Variants in MEN1 observed in about 807,000 individuals in gnomAD.
MEN1 encodes menin.
Under a neutral mutation model 58.0 loss-of-function variants are expected in MEN1, and 6 were observed. That is an observed-to-expected ratio of 0.10 (90% CI 0.06 to 0.20). The LOEUF (loss-of-function observed/expected upper bound fraction) is 0.20, where lower values mean the gene tolerates loss of function less well. Ranked by LOEUF, MEN1 falls within the 10% of genes least tolerant of loss-of-function variation. The pLI is 1.00. For synonymous variants in MEN1, 346 were observed against 350.7 expected (o/e 0.99, Z 0.15); for missense variants, 492 against 818.5 (o/e 0.60, Z 4.87).
rs772016629 is a variant in MEN1, at chr11:64,807,684, A to AG, written c.655-5dup. The AG allele has an allele frequency of 6.9e-5, 112 of 1,613,724 alleles. No homozygotes were observed. In the East Asian group the frequency reaches 1.0e-3, roughly 14 times the overall value. On this transcript the variant is annotated splice_region_variant and splice_polypyrimidine_tract_variant and intron_variant, in intron 3 of 9. Coordinates refer to ENST00000450708, the MANE Select transcript of MEN1 (RefSeq NM_001370259.2). This position sits in a 1 kb window ranked among gnomAD's most constrained non-coding sequence, Gnocchi z 4.9. ...ATCCTTTCAGGTACAGCCAGCTCTT[A>AG]GGGGGGGATGAGATCATTATGTCTC...
chr11:64,808,473 C>A (rs1941897639), intron 2 of MEN1, among the ~76,000 whole-genome samples: 2 of 152,212 alleles, frequency 1.3e-5, no homozygotes. Flanking sequence ...TGGCTATACA[C>A]CCACCAACAA....
In MEN1 at chr11:64,804,957, G is replaced by A; in HGVS notation, c.1350+77C>T. 6.2e-7 allele frequency: 1 copy of A among 1,600,916 alleles called. No homozygotes were observed. The highest frequency in any genetic ancestry group is 8.5e-7 in the Non-Finnish European group (1 of 1,178,204). On this transcript the variant is annotated intron_variant, in intron 9 of 9. Coordinates refer to ENST00000450708, the MANE Select transcript of MEN1 (RefSeq NM_001370259.2). The surrounding 1 kb of genome is among the most constrained non-coding windows in gnomAD (Gnocchi z 4.2). ...AAGGGGATGGGCAGATGCTGCCCCT[G>A]GGCCAGAAAAGTCTGACAAGCCCGT...
rs1941800854 is a variant in MEN1, at chr11:64,807,296, G to C, written c.784-77C>G. ...TCCTTAGCCTATCGGGCAGAGGTGG[G>C]GGTCAGAACCAACAGGGACCACCCA... On this transcript the variant is annotated intron_variant, in intron 4 of 9. Transcript: ENST00000450708. The surrounding 1 kb of genome is among the most constrained non-coding windows in gnomAD (Gnocchi z 4.9). The C allele has an allele frequency of 1.4e-5, 22 of 1,522,100 alleles. No homozygotes were observed. The highest frequency in any genetic ancestry group is 1.8e-5 in the Non-Finnish European group (20 of 1,118,888). The allele number at this position is 1,522,100 out of a possible 1,614,324, so 94.3% of individuals were successfully genotyped here. A position where few individuals can be genotyped will look rare whatever the true frequency, so the allele number is the denominator to read the frequency against.
chr11:64,811,148 A>G (rs7949944), upstream of MEN1: 13,837 of 151,188 alleles, frequency 0.092, 1,601 homozygotes, highest in East Asian at 0.31. Flanking sequence ...CCAGGCTGGA[A>G]TGCAGTGGCT....
At chr11:64,805,470 A>G (rs1051398121) in intron 8 of MEN1, among the ~76,000 whole-genome samples, 165 bp downstream of exon 8, 2 of 152,136 alleles carry the variant, frequency 1.3e-5, no homozygotes, top group Non-Finnish European at 2.9e-5. Flanking sequence ...GTCCCGTCCA[A>G]CGTGGGCCCA....
rs2136083624 is a variant in MEN1 at position 64,804,571 on chromosome 11, G to A, written c.1596C>T (p.Gly532=). ...VAGTARGPEG[G]STAQVPAPTA... is the part of the protein sequence containing the mutation. ...TGGGTGCTGGCACCTGAGCCGTGCT[G>A]CCACCTTCAGGGCCTCGGGCTGTGC... The change falls in exon 10 of 10, where the codon GGC becomes GGT. Residue 532 remains glycine, a synonymous_variant. Transcript: ENST00000450708. The surrounding 1 kb of genome is among the most constrained non-coding windows in gnomAD (Gnocchi z 4.2). 6.2e-7 allele frequency: 1 copy of A among 1,613,036 alleles called. No homozygotes were observed. The highest frequency in any genetic ancestry group is 8.5e-7 in the Non-Finnish European group (1 of 1,179,948).
chr11:64,805,502 G>C, intron 8 of MEN1, 133 bp downstream of exon 8: 1 of 1,171,722 alleles, frequency 8.5e-7, no homozygotes. Flanking sequence ...ATAGCAAAAG[G>C]GAACATAGCT....
At chr11:64,810,384 G>A (rs548236639) in intron 1 of MEN1, 130 bp downstream of exon 1, 4 of 518,686 alleles carry the variant, frequency 7.7e-6, no homozygotes, top group East Asian at 6.6e-5. Flanking sequence ...CCCCAATGAG[G>A]AGCCCCAATG....
In MEN1 at chr11:64,807,303, A is replaced by T. The variant is rs1040272282; in HGVS notation, c.784-84T>A. ...CCTATCGGGCAGAGGTGGGGGTCAGAACCAACAGGGACCACCCACCATGTG... is the reference window on the plus strand; with the variant it reads ...CCTATCGGGCAGAGGTGGGGGTCAGTACCAACAGGGACCACCCACCATGTG... On this transcript the variant is annotated intron_variant, in intron 4 of 9. Transcript: ENST00000450708. This position sits in a 1 kb window ranked among gnomAD's most constrained non-coding sequence, Gnocchi z 4.9. 4.7e-6 allele frequency: 7 copies of T among 1,484,238 alleles called. No homozygotes were observed. The highest frequency in any genetic ancestry group is 6.4e-6 in the Non-Finnish European group (7 of 1,086,942). The allele number at this position is 1,484,238 out of a possible 1,614,324, so 91.9% of individuals were successfully genotyped here.
Position 64,803,555 on chromosome 11 carries a change from A to C in MEN1, c.*779T>G. 4.3e-6 allele frequency: 1 copy of C among 232,700 alleles called. No homozygotes were observed. The highest frequency in any genetic ancestry group is 8.5e-6 in the Non-Finnish European group (1 of 117,502). The allele number at this position is 232,700 out of a possible 1,614,324, so 14.4% of individuals were successfully genotyped here. A position where few individuals can be genotyped will look rare whatever the true frequency, so the allele number is the denominator to read the frequency against. On this transcript the variant is annotated 3_prime_UTR_variant, in exon 10 of 10. Coordinates refer to ENST00000450708, the MANE Select transcript of MEN1 (RefSeq NM_001370259.2). Reference sequence around the variant, plus strand: ...ATGTATTCATCTTTCTTGGAACTGAAAAATAAATCTATGTACAAAACAGGA... The same window carrying C: ...ATGTATTCATCTTTCTTGGAACTGACAAATAAATCTATGTACAAAACAGGA...
In MEN1 at chr11:64,807,805, G is replaced by A. The variant is rs1941839868; in HGVS notation, c.654+86C>T. 1 of 1,604,926 alleles carries A rather than the reference G, an allele frequency of 6.2e-7. No homozygotes were observed. The highest frequency in any genetic ancestry group is 1.7e-5 in the Admixed American group (1 of 59,524). On this transcript the variant is annotated intron_variant, in intron 3 of 9. Coordinates refer to ENST00000450708, the MANE Select transcript of MEN1 (RefSeq NM_001370259.2). This position sits in a 1 kb window ranked among gnomAD's most constrained non-coding sequence, Gnocchi z 4.9. ...TATGTGGGTGGTGATGGGAAGAAAG[G>A]GGTGTGGCCCAAGAAAATGGAGTCC...
Position 64,807,410 on chromosome 11 carries a change from G to C in MEN1, c.783+142C>G, listed in dbSNP as rs111627161. On this transcript the variant is annotated intron_variant, in intron 4 of 9. Coordinates refer to ENST00000450708, the MANE Select transcript of MEN1 (RefSeq NM_001370259.2). This position sits in a 1 kb window ranked among gnomAD's most constrained non-coding sequence, Gnocchi z 4.9. ...CAATTCTACTCTCCCAAGAGCCCTGGGAAAGGCCAGGCCAGGAATTACTAA... is the reference window on the plus strand; with the variant it reads ...CAATTCTACTCTCCCAAGAGCCCTGCGAAAGGCCAGGCCAGGAATTACTAA... 3.0e-3 allele frequency: 3,296 copies of C among 1,081,350 alleles called. 12 individuals carry two copies. Among genetic ancestry groups the C allele is most frequent in the Non-Finnish European group, 3.9e-3 (2,806 of 727,990 alleles). 67.0% of individuals were successfully genotyped at this position (1,081,350 alleles called of 1,614,324 possible). A position where few individuals can be genotyped will look rare whatever the true frequency, so the allele number is the denominator to read the frequency against.
chr11:64,806,487 C>T, intron 6 of MEN1, 119 bp from the exon 7 acceptor site: 1 of 1,153,858 alleles, frequency 8.7e-7, no homozygotes, highest in Non-Finnish European at 1.3e-6. Flanking sequence ...GAGTCCTCTC[C>T]ATCTCCACTC....
intron 1 of MEN1, 176 bp downstream of exon 1, chr11:64,810,338 G>T (rs1942048172): frequency 3.4e-6 from 2 of 579,760 alleles, no homozygotes; most frequent in Non-Finnish European, 3.1e-6. Context: ...CCACAATTCC[G>T]GGACGCCCGG....
Position 64,810,126 on chromosome 11 carries a change from C to G in MEN1, c.-17G>C, listed in dbSNP as rs1314358515. The G allele has an allele frequency of 6.4e-5, 45 of 705,538 alleles. No individual in the cohort carries two copies. The highest frequency in any genetic ancestry group is 2.3e-4 in the South Asian group (11 of 47,428). The allele number at this position is 705,538 out of a possible 1,614,324, so 43.7% of individuals were successfully genotyped here. A position where few individuals can be genotyped will look rare whatever the true frequency, so the allele number is the denominator to read the frequency against. ...CAGCCCCATGGCGGCGGGCGGTGGG[C>G]GGCGGCCTGCAAGGCAAGCCGGGGG... On this transcript the variant is annotated 5_prime_UTR_variant, in exon 2 of 10. Coordinates refer to ENST00000450708, the MANE Select transcript of MEN1 (RefSeq NM_001370259.2).
In MEN1 at chr11:64,809,913, C is replaced by A. The variant is rs867960556; in HGVS notation, c.197G>T (p.Ser66Ile). 2 of 1,587,638 alleles carry A rather than the reference C, an allele frequency of 1.3e-6. No individual in the cohort carries two copies. Among genetic ancestry groups the A allele is most frequent in the South Asian group, 1.1e-5 (1 of 88,624 alleles). ...GCCGCCAGGCGGGTCGGGGGCGGGG[C>A]TGGGCTGGAAGGTGAGCTCGGGAAC... ...TNVPELTFQP[S>I]PAPDPPGGLT... Residue 66 changes from serine (S) to isoleucine (I), a missense_variant, in exon 2 of 10, where the codon AGC becomes ATC. Physicochemically the swap from Ser to Ile is moderately radical, Grantham distance 142. Around this residue, in one of 5 missense-constraint regions of MEN1, gnomAD observed 335 missense variants for 550.3 expected, o/e 0.61. Transcript: ENST00000450708.
intron 1 of MEN1, 166 bp from the exon 2 acceptor site, chr11:64,810,298 T>A: frequency 1.7e-6 from 1 of 605,742 alleles, no homozygotes; most frequent in South Asian, 2.0e-5. Context: ...GTGAGACCCC[T>A]CAGCCGAGAC....
At position 64,804,367 on chromosome 11, in the gene MEN1, CAG is replaced by C. The variant is rs1555163017; in HGVS notation, c.1798_1799del (p.Leu600ValfsTer78). 6.2e-7 allele frequency: 1 copy of C among 1,614,210 alleles called. No individual in the cohort carries two copies. Among genetic ancestry groups the C allele is most frequent in the Non-Finnish European group, 8.5e-7 (1 of 1,180,026 alleles). ...CTTTGCGCTGCCGCTTGAGGAAAGA[CAG>C]AGTGTAGTCACTAGGGGTGGACACT... ...QKVSTPSDYT[L>X]SFLKRQRKGL On this transcript the variant is annotated frameshift_variant, in exon 10 of 10. Coordinates refer to ENST00000450708, the MANE Select transcript of MEN1 (RefSeq NM_001370259.2). LOFTEE classifies it high-confidence loss of function. The surrounding 1 kb of genome is among the most constrained non-coding windows in gnomAD (Gnocchi z 4.2).
chr11:64,806,182 A>G, intron 7 of MEN1, 50 bp downstream of exon 7: 1 of 1,611,306 alleles, frequency 6.2e-7, no homozygotes, highest in Admixed American at 1.7e-5. Flanking sequence ...TTGGAAACTG[A>G]TGGAGGGGAA....
Sources: allele counts gnomAD v4.1 joint callset (sites outside exome capture counted in the v4.1 genomes callset), GRCh38; gene constraint gnomAD v4.1.1; regional missense constraint gnomAD v4.1.1; non-coding constraint Gnocchi (gnomAD v3.1); transcripts MANE v1.5; gene names NCBI Gene and HGNC (gene_info 2026-07-23, HGNC 2026-07-21).